ZNF212: variants seen among roughly 807,000 people sequenced by gnomAD.
ZNF212 encodes zinc finger protein 212.
A neutral mutation model predicts 47.3 loss-of-function variants in ZNF212; 32 were observed. That is an observed-to-expected ratio of 0.68 (90% confidence interval 0.51 to 0.91). The LOEUF is 0.91. Among genes scored for constraint, ZNF212 ranks in the 40% least tolerant of loss-of-function variants. ZNF212 has a pLI of 0.00. For synonymous variants in ZNF212, 242 were observed against 253.8 expected (o/e 0.95, Z 0.44); for missense variants, 555 against 622.8 (o/e 0.89, Z 1.16).
intron 1 of ZNF212, among the ~76,000 whole-genome samples, chr7:149,249,585 G>GA (rs1349698904): frequency 6.6e-6 from 1 of 151,824 alleles, no homozygotes; most frequent in Non-Finnish European, 1.5e-5. Context: ...ACTAAAAGAT[G>GA]AAAAAAAACT....
chr7:149,241,106 G>A (rs1383502520), intron 1 of ZNF212, among the ~76,000 whole-genome samples: 1 of 152,138 alleles, frequency 6.6e-6, no homozygotes, highest in Non-Finnish European at 1.5e-5. Flanking sequence ...TTACCTACAT[G>A]TCGTCAGTAG....
At chr7:149,246,792 G>A (rs1353201311) in intron 1 of ZNF212, among the ~76,000 whole-genome samples, 6 of 145,158 alleles carry the variant, frequency 4.1e-5, no homozygotes, top group African/African-American at 1.3e-4. Context: ...AAACACAAAT[G>A]TAGCCTTTTG....
rs67720780 is a variant in ZNF212 at position 149,251,052 on chromosome 7, GTTT to G, written c.541+259_541+261del. Among the ~76,000 whole-genome samples, 34 of 124,480 alleles carry G rather than the reference GTTT, an allele frequency of 2.7e-4. 1 individual carries two copies. The highest frequency in any genetic ancestry group is 9.2e-4 in the African/African-American group (32 of 34,966). The allele number at this position is 124,480 out of a possible 152,430, so 81.7% of individuals were successfully genotyped here. A position where few individuals can be genotyped will look rare whatever the true frequency, so the allele number is the denominator to read the frequency against. On this transcript the variant is annotated intron_variant, in intron 3 of 4. Coordinates refer to ENST00000335870, the MANE Select transcript of ZNF212 (RefSeq NM_012256.4). ...AAGCTCGCAGCATTGTGCCTTTTGT[GTTT>G]TTTTTTTTTTTTTCCTGTGGTCACA...
At chr7:149,243,448 A>C (rs1486415790) in intron 1 of ZNF212, among the ~76,000 whole-genome samples, 51 of 150,168 alleles carry the variant, frequency 3.4e-4, no homozygotes, top group Admixed American at 3.2e-3. Flanking sequence ...AAAAAAAAAA[A>C]AAAAAAAAAA....
chr7:149,240,127 T>A (rs915233995), intron 1 of ZNF212: 1 of 312,104 alleles, frequency 3.2e-6, no homozygotes, highest in African/African-American at 2.1e-5. Flanking sequence ...CAGGTTGGAG[T>A]GTTTCCAGAT....
At chr7:149,246,198 C>T (rs1332603682) in intron 1 of ZNF212, among the ~76,000 whole-genome samples, 1 of 152,170 alleles carries the variant, frequency 6.6e-6, no homozygotes, top group Non-Finnish European at 1.5e-5. Flanking sequence ...TCTTTTATTA[C>T]AGCTAGCATT....
chr7:149,239,801 G>A lies in ZNF212; in HGVS notation c.23G>A (p.Arg8Gln), dbSNP rs753771635. 2 of 1,272,794 alleles carry A rather than the reference G, an allele frequency of 1.6e-6. No homozygotes were observed. The highest frequency in any genetic ancestry group is 3.6e-5 in the South Asian group (1 of 27,744). 78.8% of individuals were successfully genotyped at this position (1,272,794 alleles called of 1,614,324 possible). MAESAPA[R>Q]HRRKRRSTPL... ...GCCATGGCGGAGTCGGCGCCTGCTC[G>A]GGTAAAGAGGCACCGGCGCGCTGGC... Residue 8 changes from arginine to glutamine, a missense_variant and splice_region_variant, in exon 1 of 5, where the codon CGG becomes CAG. Physicochemically the swap from Arg to Gln is conservative, Grantham distance 43. Transcript: ENST00000335870.
rs111538882 is a variant in ZNF212, at chr7:149,251,068, T to TCC, written c.541+262_541+263dup. ...GCCTTTTGTGTTTTTTTTTTTTTTT[T>TCC]CCTGTGGTCACATAGTCTGTTCTTG... On this transcript the variant is annotated intron_variant, in intron 3 of 4. Transcript: ENST00000335870. 3.7e-4 allele frequency: 122 copies of TCC among 328,854 alleles called. 1 individual carries two copies. The highest frequency in any genetic ancestry group is 8.0e-4 in the African/African-American group (37 of 46,222). 20.4% of individuals were successfully genotyped at this position (328,854 alleles called of 1,614,324 possible).
rs1436560535 is a variant in ZNF212 at position 149,250,193 on chromosome 7, C to T, written c.59C>T (p.Ser20Phe). 5.1e-6 allele frequency: 8 copies of T among 1,556,184 alleles called. No individual in the cohort carries two copies. Among genetic ancestry groups the T allele is most frequent in the South Asian group, 1.2e-5 (1 of 81,626 alleles). Residue 20 changes from serine to phenylalanine, a missense_variant, in exon 2 of 5, where the codon TCT becomes TTT. By Grantham distance (155) the Ser-to-Phe change is radical. Transcript: ENST00000335870. ...AAACGACGCTCCACACCTTTAACTT[C>T]TTCCACACTTCCTTCACAAGCAACA... Reference protein sequence around the residue: ...RRKRRSTPLTSSTLPSQATEK... With the variant: ...RRKRRSTPLTFSTLPSQATEK...
intron 3 of ZNF212, among the ~76,000 whole-genome samples, chr7:149,251,557 G>C (rs190353976): frequency 2.1e-4 from 29 of 137,134 alleles, no homozygotes; most frequent in African/African-American, 6.2e-4. Flanking sequence ...GTACGATCTC[G>C]GCTCACTGCA....
chr7:149,246,385 CTT>C (rs879770541), intron 1 of ZNF212, among the ~76,000 whole-genome samples: 17 of 143,610 alleles, frequency 1.2e-4, no homozygotes, highest in Admixed American at 1.4e-4. Context: ...TATAATCAGT[CTT>C]TTTTTTTTTT....
In ZNF212 at chr7:149,250,172, G is replaced by T; in HGVS notation, c.38G>T (p.Arg13Leu). The T allele has an allele frequency of 2.6e-6, 4 of 1,527,450 alleles. No homozygotes were observed. The highest frequency in any genetic ancestry group is 1.3e-5 in the South Asian group (1 of 76,480). The allele number at this position is 1,527,450 out of a possible 1,614,324, so 94.6% of individuals were successfully genotyped here. A position where few individuals can be genotyped will look rare whatever the true frequency, so the allele number is the denominator to read the frequency against. The change falls in exon 2 of 5, where the codon CGA becomes CTA. Residue 13 changes from arginine to leucine, a missense_variant. Coordinates refer to ENST00000335870, the MANE Select transcript of ZNF212 (RefSeq NM_012256.4). ...ESAPARHRRK[R>L]RSTPLTSSTL... The stretch of plus-strand genomic sequence containing the variant: ...TTAATCCATCAGCACAGGAGAAAAC[G>T]ACGCTCCACACCTTTAACTTCTTCC...
Position 149,254,630 on chromosome 7 carries a change from C to G in ZNF212, c.*215C>G, listed in dbSNP as rs879152486. ...CATCCTGCTGCCAAGTTTGCTGTTTCTTGGCACCTTCAGGTCTCTGGTTTT... is the reference window on the plus strand; with the variant it reads ...CATCCTGCTGCCAAGTTTGCTGTTTGTTGGCACCTTCAGGTCTCTGGTTTT... On this transcript the variant is annotated 3_prime_UTR_variant, in exon 5 of 5. Transcript: ENST00000335870. This position sits in a 1 kb window ranked among gnomAD's most constrained non-coding sequence, Gnocchi z 4.5. 33 of 664,698 alleles carry G rather than the reference C, an allele frequency of 5.0e-5. 1 individual carries two copies. In the South Asian group the frequency reaches 8.3e-4, roughly 17 times the overall value. The allele number at this position is 664,698 out of a possible 1,614,324, so 41.2% of individuals were successfully genotyped here. A position where few individuals can be genotyped will look rare whatever the true frequency, so the allele number is the denominator to read the frequency against.
At chr7:149,252,976 G>A (rs1456331881) in intron 4 of ZNF212, among the ~76,000 whole-genome samples, 181 bp downstream of exon 4, 1 of 152,118 alleles carries the variant, frequency 6.6e-6, no homozygotes. Context: ...CTACCACCCT[G>A]TGGGGTCTTT....
chr7:149,239,678 C>CGGCGGCGGT lies in ZNF212; in HGVS notation c.-93_-92insTGGCGGCGG. ...AATGCACCTGGCATCAACACGGCGG[C>CGGCGGCGGT]GGCGGCGGCGGCTTCCAACAGGCTC... On this transcript the variant is annotated 5_prime_UTR_variant, in exon 1 of 5. Transcript: ENST00000335870. 2.3e-6 allele frequency: 3 copies of CGGCGGCGGT among 1,279,574 alleles called. No homozygotes were observed. The highest frequency in any genetic ancestry group is 5.7e-5 in the South Asian group (2 of 35,050). 79.3% of individuals were successfully genotyped at this position (1,279,574 alleles called of 1,614,324 possible).
At chr7:149,239,942 T>G (rs1015816505) in intron 1 of ZNF212, 140 bp downstream of exon 1, 9 of 1,002,502 alleles carry the variant, frequency 9.0e-6, no homozygotes, top group East Asian at 6.5e-5. Flanking sequence ...ACGCGGACCC[T>G]CCTCTTCGCG....
chr7:149,244,592 C>T (rs1232429063), intron 1 of ZNF212, among the ~76,000 whole-genome samples: 7 of 152,158 alleles, frequency 4.6e-5, no homozygotes, highest in South Asian at 2.1e-4. Flanking sequence ...GAATTATGGG[C>T]GTGAGCCACT....
intron 1 of ZNF212, among the ~76,000 whole-genome samples, chr7:149,248,073 C>T (rs1796702111): frequency 6.6e-6 from 1 of 152,212 alleles, no homozygotes; most frequent in Non-Finnish European, 1.5e-5. Context: ...CTAATCCATT[C>T]CTGCCAATGA....
In ZNF212 at chr7:149,255,597, A is replaced by C. The variant is rs1311787552; in HGVS notation, c.*1182A>C. ...AATAAAACTTGCTACTAGCAAAAGA[A>C]AAAAAAAAAGTTCATACTGGATGTT... On this transcript the variant is annotated 3_prime_UTR_variant, in exon 5 of 5. Transcript: ENST00000335870. The C allele has an allele frequency of 6.6e-6, 1 of 152,272 alleles. No individual in the cohort carries two copies. Among genetic ancestry groups the C allele is most frequent in the Middle Eastern group, 3.2e-3 (1 of 316 alleles). 9.4% of individuals were successfully genotyped at this position (152,272 alleles called of 1,614,324 possible). A position where few individuals can be genotyped will look rare whatever the true frequency, so the allele number is the denominator to read the frequency against.
Sources: gnomAD v4.1 joint callset for allele counts (sites outside exome capture counted in the v4.1 genomes callset) on GRCh38, gnomAD v4.1.1 for gene constraint, Gnocchi (gnomAD v3.1) non-coding constraint, MANE v1.5 for transcripts, NCBI Gene and HGNC (gene_info 2026-07-23, HGNC 2026-07-21) for gene names.